Variants in VWA8 observed in about 807,000 individuals in gnomAD.
VWA8 encodes von Willebrand factor A domain containing 8.
VWA8 carries 221 observed loss-of-function variants against 241.5 expected under a neutral mutation model. The observed-to-expected ratio is 0.91, with a 90% confidence interval of 0.82 to 1.02. The LOEUF (loss-of-function observed/expected upper bound fraction) is 1.02, where lower values mean the gene tolerates loss of function less well. Ranked by LOEUF, VWA8 falls within the 50% of genes least tolerant of loss-of-function variation. VWA8 has a pLI of 0.00. For missense variants in VWA8, 2,322 were observed against 2,328.7 expected, an observed-to-expected ratio of 1.00 and a Z score of 0.06; for synonymous variants, 852 against 827.1, an observed-to-expected ratio of 1.03 and a Z score of -0.52.
chr13:41,927,107 C>T (rs555355822), intron 2 of VWA8: 24 of 381,638 alleles, frequency 6.3e-5, no homozygotes, highest in Middle Eastern at 9.5e-4. Context: ...GCCGCAGCAG[C>T]GGGTTTTTGA....
chr13:41,718,123 C>A (rs988525246), intron 26 of VWA8, among the ~76,000 whole-genome samples: 3 of 151,682 alleles, frequency 2.0e-5, no homozygotes, highest in African/African-American at 7.3e-5. Flanking sequence ...TATAGTCATG[C>A]AAGAGTAGAA....
At chr13:41,883,207 T>C (rs1340682091) in intron 9 of VWA8, among the ~76,000 whole-genome samples, 180 bp downstream of exon 9, 1 of 152,088 alleles carries the variant, frequency 6.6e-6, no homozygotes, top group Admixed American at 6.5e-5. Flanking sequence ...CACAGCTGTC[T>C]TCTTGTTGGA....
At chr13:41,906,571 C>T (rs1387801984) in intron 4 of VWA8, among the ~76,000 whole-genome samples, 1 of 152,038 alleles carries the variant, frequency 6.6e-6, no homozygotes, top group Non-Finnish European at 1.5e-5. Flanking sequence ...TTCTACTTAC[C>T]ATTATTTCAT....
intron 2 of VWA8, among the ~76,000 whole-genome samples, chr13:41,924,350 C>G (rs1876721827): frequency 7.1e-6 from 1 of 141,520 alleles, no homozygotes; most frequent in South Asian, 2.2e-4. Context: ...TCTGAAATTA[C>G]CCAGTCAAAA....
intron 2 of VWA8, chr13:41,926,613 C>T: frequency 2.4e-5 from 13 of 546,030 alleles, no homozygotes; most frequent in South Asian, 1.8e-4. Flanking sequence ...ATGGCCTATG[C>T]AGACTACCAC....
intron 17 of VWA8, among the ~76,000 whole-genome samples, chr13:41,803,595 T>A (rs1175079438): frequency 6.6e-6 from 1 of 152,182 alleles, no homozygotes; most frequent in Non-Finnish European, 1.5e-5. Flanking sequence ...TATTCACTAT[T>A]ACAAGAATTG....
At chr13:41,885,604 T>C (rs1023799846) in intron 8 of VWA8, among the ~76,000 whole-genome samples, 1 of 152,152 alleles carries the variant, frequency 6.6e-6, no homozygotes, top group African/African-American at 2.4e-5. Flanking sequence ...CTAACTCAGG[T>C]AAGGACAGCT....
At chr13:41,740,537 T>C (rs1055703505) in intron 21 of VWA8, among the ~76,000 whole-genome samples, 2 of 152,194 alleles carry the variant, frequency 1.3e-5, no homozygotes, top group South Asian at 2.1e-4. Context: ...AATCACATTA[T>C]AATCTTGGAC....
chr13:41,812,092 T>C (rs1347887704), intron 16 of VWA8, among the ~76,000 whole-genome samples: 1 of 152,164 alleles, frequency 6.6e-6, no homozygotes, highest in Non-Finnish European at 1.5e-5. Context: ...TTCCCTCAAC[T>C]TTAAAATGGC....
chr13:41,658,704 T>C (rs1028708383), intron 37 of VWA8, among the ~76,000 whole-genome samples: 3 of 152,220 alleles, frequency 2.0e-5, no homozygotes, highest in African/African-American at 7.2e-5. Context: ...TCACTCGGAC[T>C]TCCTTCCCAG....
intron 12 of VWA8, among the ~76,000 whole-genome samples, chr13:41,847,914 G>C: frequency 6.6e-6 from 1 of 152,132 alleles, no homozygotes; most frequent in Non-Finnish European, 1.5e-5. Flanking sequence ...TGACAAAACT[G>C]ATGAGTTCTT....
rs532785704 is a variant in VWA8, at chr13:41,687,784, T to C, written c.4131+1570A>G. On this transcript the variant is annotated intron_variant, in intron 34 of 44. Coordinates refer to ENST00000379310, the MANE Select transcript of VWA8 (RefSeq NM_015058.2). The stretch of plus-strand genomic sequence containing the variant: ...TGACTCTAATCTTCTATTTAACAAA[T>C]ACTCATTAAATACCTCCTATGTGGT... Among the ~76,000 whole-genome samples, 4 of 152,266 alleles carry C rather than the reference T, an allele frequency of 2.6e-5. No homozygotes were observed. In the East Asian group the frequency reaches 7.7e-4, roughly 29 times the overall value.
At position 41,866,035 on chromosome 13, in the gene VWA8, A is replaced by G; in HGVS notation, c.1214T>C (p.Val405Ala). ...ACTTAATAGCCTGGTCCCGGCTGGC[A>G]CCTATAATTAAAGAGAGGTCAATAT... ...RIADKEVTIK[V>A]PAGTRLLSQP... Residue 405 changes from valine (V) to alanine (A), a missense_variant and splice_region_variant, in exon 11 of 45, where the codon GTG becomes GCG. Val to Ala is a moderately conservative substitution (Grantham distance 64). Transcript: ENST00000379310. 6.2e-7 allele frequency: 1 copy of G among 1,613,814 alleles called. No individual in the cohort carries two copies. Among genetic ancestry groups the G allele is most frequent in the Non-Finnish European group, 8.5e-7 (1 of 1,179,780 alleles).
chr13:41,819,611 C>G (rs1870861617), intron 14 of VWA8, among the ~76,000 whole-genome samples: 1 of 152,160 alleles, frequency 6.6e-6, no homozygotes. Flanking sequence ...TGTACAATAA[C>G]CACTCATGAA....
At chr13:41,658,489 A>C (rs910824582) in intron 37 of VWA8, among the ~76,000 whole-genome samples, 3 of 152,200 alleles carry the variant, frequency 2.0e-5, no homozygotes, top group African/African-American at 7.2e-5. Context: ...TTTCTGACTG[A>C]ACACAGTCAC....
chr13:41,746,643 T>C (rs1490685018), intron 21 of VWA8, among the ~76,000 whole-genome samples: 1 of 152,220 alleles, frequency 6.6e-6, no homozygotes, highest in African/African-American at 2.4e-5. Flanking sequence ...AATTTACTGA[T>C]GACACTCCTC....
chr13:41,838,522 A>G (rs1871846010), intron 12 of VWA8, among the ~76,000 whole-genome samples: 1 of 152,188 alleles, frequency 6.6e-6, no homozygotes, highest in Non-Finnish European at 1.5e-5. Flanking sequence ...GGTTTAAAAA[A>G]TACGCATTTC....
intron 10 of VWA8, among the ~76,000 whole-genome samples, chr13:41,867,739 G>A (rs1021943637): frequency 4.6e-5 from 7 of 152,124 alleles, no homozygotes; most frequent in African/African-American, 7.2e-5. Flanking sequence ...CATGAGCTGG[G>A]CACAGTGGCA....
chr13:41,572,168 A>C (rs1199718995), intron 43 of VWA8, among the ~76,000 whole-genome samples: 3 of 150,082 alleles, frequency 2.0e-5, no homozygotes. Flanking sequence ...CCCGTCCGGG[A>C]GGGAGGTGGG....
Sources: gnomAD v4.1 joint callset for allele counts (sites outside exome capture counted in the v4.1 genomes callset) on GRCh38, gnomAD v4.1.1 for gene constraint, MANE v1.5 for transcripts, NCBI Gene and HGNC (gene_info 2026-07-23, HGNC 2026-07-21) for gene names.